Variants in TXLNA observed in about 807,000 individuals in gnomAD.
TXLNA encodes the protein alpha-taxilin.
A neutral mutation model predicts 61.4 loss-of-function variants in TXLNA; 9 were observed. The ratio of observed to expected loss-of-function variants is 0.15; its 90% confidence interval spans 0.09 to 0.26. The LOEUF is 0.26. TXLNA is among the 10% of genes least tolerant of loss of function. The pLI is 1.00. For synonymous variants in TXLNA, 257 were observed against 267.7 expected (o/e 0.96, Z 0.39); for missense variants, 565 against 688.8 (o/e 0.82, Z 2.01).
In TXLNA at chr1:32,188,105, G is replaced by A. The variant is rs1438177992; in HGVS notation, c.749G>A (p.Arg250Gln). Residue 250 changes from arginine (R) to glutamine (Q), a missense_variant, in exon 5 of 11, where the codon CGG (arginine) becomes CAG (glutamine). Transcript: ENST00000373610. ...KLESLCRELQ[R>Q]HNRSLKEEGV... ...GAGAGCCTATGCCGTGAGCTGCAGCGGCACAACCGCTCCCTCAAGGTAGGC... is the reference window on the plus strand; with the variant it reads ...GAGAGCCTATGCCGTGAGCTGCAGCAGCACAACCGCTCCCTCAAGGTAGGC... 14 of 1,566,428 alleles carry A rather than the reference G, an allele frequency of 8.9e-6. No individual in the cohort carries two copies. Among genetic ancestry groups the A allele is most frequent in the East Asian group, 2.3e-5 (1 of 42,596 alleles).
At position 32,194,892 on chromosome 1, in the gene TXLNA, C is replaced by T. The variant is rs199575154; in HGVS notation, c.1348-10C>T. 1.3e-6 allele frequency: 2 copies of T among 1,593,104 alleles called. No individual in the cohort carries two copies. The highest frequency in any genetic ancestry group is 2.7e-5 in the African/African-American group (2 of 74,042). On this transcript the variant is annotated splice_polypyrimidine_tract_variant and intron_variant, in intron 10 of 10. Transcript: ENST00000373610. ...GGGCACGGCACTGAAGGTCTCATTT[C>T]TTTCCCTAGAAAACAGTCCGGGATA...
rs774982247 is a variant in TXLNA, at chr1:32,180,317, C to T, written c.-29C>T. On this transcript the variant is annotated 5_prime_UTR_variant, in exon 2 of 11. Coordinates refer to ENST00000373610, the MANE Select transcript of TXLNA (RefSeq NM_175852.4). ...GCAACTGTGTTTGTTTCTAAAGGATCTTCTCCTGACCCAGCATCGCTCATC... is the reference window on the plus strand; with the variant it reads ...GCAACTGTGTTTGTTTCTAAAGGATTTTCTCCTGACCCAGCATCGCTCATC... The T allele has an allele frequency of 1.3e-6, 2 of 1,574,766 alleles. No homozygotes were observed. Among genetic ancestry groups the T allele is most frequent in the South Asian group, 2.3e-5 (2 of 86,056 alleles).
At chr1:32,194,643 G>A (rs1642974644) in intron 10 of TXLNA, among the ~76,000 whole-genome samples, 1 of 152,164 alleles carries the variant, frequency 6.6e-6, no homozygotes, top group Admixed American at 6.5e-5. Context: ...AGATGAGACA[G>A]GCTCAAAAGT....
chr1:32,186,672 A>C (rs1237250335), intron 4 of TXLNA, among the ~76,000 whole-genome samples: 4 of 152,174 alleles, frequency 2.6e-5, no homozygotes, highest in African/African-American at 9.7e-5. Context: ...CCTATAGGGT[A>C]AGAGACTTTC....
At position 32,195,824 on chromosome 1, in the gene TXLNA, G is replaced by A. The variant is rs1437164266; in HGVS notation, c.*629G>A. On this transcript the variant is annotated 3_prime_UTR_variant, in exon 11 of 11. Transcript: ENST00000373610. ...GCTGGTCAGGAGCCCCTTGGGCATC[G>A]CTTCCCCTGCCCTTTGGTAGTGCCA... 1.8e-5 allele frequency: 8 copies of A among 455,552 alleles called. No individual in the cohort carries two copies. The highest frequency in any genetic ancestry group is 7.1e-5 in the Admixed American group (3 of 42,512). 28.2% of individuals were successfully genotyped at this position (455,552 alleles called of 1,614,324 possible). A position where few individuals can be genotyped will look rare whatever the true frequency, so the allele number is the denominator to read the frequency against.
Position 32,192,185 on chromosome 1 carries a change from A to G in TXLNA, c.964-126A>G, listed in dbSNP as rs1642919381. 2.1e-6 allele frequency: 3 copies of G among 1,411,664 alleles called. No homozygotes were observed. Among genetic ancestry groups the G allele is most frequent in the African/African-American group, 1.4e-5 (1 of 70,050 alleles). The allele number at this position is 1,411,664 out of a possible 1,614,324, so 87.4% of individuals were successfully genotyped here. ...ACTTGGGGCCCATGTTGTGTGGTACACATGGGAGTCCATCATATCAGATTG... is the reference window on the plus strand; with the variant it reads ...ACTTGGGGCCCATGTTGTGTGGTACGCATGGGAGTCCATCATATCAGATTG... On this transcript the variant is annotated intron_variant, in intron 6 of 10. Coordinates refer to ENST00000373610, the MANE Select transcript of TXLNA (RefSeq NM_175852.4). This position sits in a 1 kb window ranked among gnomAD's most constrained non-coding sequence, Gnocchi z 4.2.
Position 32,198,277 on chromosome 1 carries a change from G to GT in TXLNA, c.*3084dup, listed in dbSNP as rs1643067811. ...TTAAACCACATTAAATAAAGAGTCT[G>GT]TTGCCTTACTTGTTTCTCTCCTGAC... is the stretch of plus-strand genomic sequence containing the variant. On this transcript the variant is annotated 3_prime_UTR_variant, in exon 11 of 11. Coordinates refer to ENST00000373610, the MANE Select transcript of TXLNA (RefSeq NM_175852.4). The GT allele has an allele frequency of 6.6e-6, 1 of 152,282 alleles. No individual in the cohort carries two copies. The highest frequency in any genetic ancestry group is 1.9e-4 in the East Asian group (1 of 5,202). 9.4% of individuals were successfully genotyped at this position (152,282 alleles called of 1,614,324 possible). A position where few individuals can be genotyped will look rare whatever the true frequency, so the allele number is the denominator to read the frequency against.
At position 32,196,794 on chromosome 1, in the gene TXLNA, A is replaced by G. The variant is rs1643035406; in HGVS notation, c.*1599A>G. The G allele has an allele frequency of 6.6e-6, 1 of 152,236 alleles. No individual in the cohort carries two copies. The highest frequency in any genetic ancestry group is 1.5e-5 in the Non-Finnish European group (1 of 68,042). 9.4% of individuals were successfully genotyped at this position (152,236 alleles called of 1,614,324 possible). A position where few individuals can be genotyped will look rare whatever the true frequency, so the allele number is the denominator to read the frequency against. On this transcript the variant is annotated 3_prime_UTR_variant, in exon 11 of 11. Coordinates refer to ENST00000373610, the MANE Select transcript of TXLNA (RefSeq NM_175852.4). ...AGCCCACTCTTTTAGCCCTTACCTTAAATCTCTCAGATAAGTTGGTTCACA... is the reference window on the plus strand; with the variant it reads ...AGCCCACTCTTTTAGCCCTTACCTTGAATCTCTCAGATAAGTTGGTTCACA...
Position 32,192,608 on chromosome 1 carries a change from T to C in TXLNA, c.1084-49T>C. ...GGTGCTTGTGGCTAAAAACCAAACA[T>C]AGCCCCTGGGGGCTTCTGACAGGAT... On this transcript the variant is annotated intron_variant, in intron 7 of 10. Coordinates refer to ENST00000373610, the MANE Select transcript of TXLNA (RefSeq NM_175852.4). The surrounding 1 kb of genome is among the most constrained non-coding windows in gnomAD (Gnocchi z 4.2). 1.2e-6 allele frequency: 2 copies of C among 1,608,376 alleles called. No homozygotes were observed. Among genetic ancestry groups the C allele is most frequent in the Non-Finnish European group, 1.7e-6 (2 of 1,174,984 alleles).
Position 32,193,188 on chromosome 1 carries a change from G to C in TXLNA, c.1159-20G>C. On this transcript the variant is annotated intron_variant, in intron 8 of 10. Coordinates refer to ENST00000373610, the MANE Select transcript of TXLNA (RefSeq NM_175852.4). ...CCCAGAGAAACCCAGTCTTATCTGTGGGCTGCTTTCTCCCCACAGCTTGCC... is the reference window on the plus strand; with the variant it reads ...CCCAGAGAAACCCAGTCTTATCTGTCGGCTGCTTTCTCCCCACAGCTTGCC... 1 of 1,587,374 alleles carries C rather than the reference G, an allele frequency of 6.3e-7. No homozygotes were observed. Among genetic ancestry groups the C allele is most frequent in the Non-Finnish European group, 8.7e-7 (1 of 1,155,964 alleles).
chr1:32,194,887 C>A lies in TXLNA; in HGVS notation c.1348-15C>A. 6.3e-7 allele frequency: 1 copy of A among 1,589,976 alleles called. No homozygotes were observed. The highest frequency in any genetic ancestry group is 1.1e-5 in the South Asian group (1 of 86,960). On this transcript the variant is annotated splice_polypyrimidine_tract_variant and intron_variant, in intron 10 of 10. Transcript: ENST00000373610. ...TGATGGGGCACGGCACTGAAGGTCT[C>A]ATTTCTTTCCCTAGAAAACAGTCCG...
At chr1:32,187,262 A>C (rs1364655544) in intron 4 of TXLNA, among the ~76,000 whole-genome samples, 2 of 152,214 alleles carry the variant, frequency 1.3e-5, no homozygotes, top group African/African-American at 4.8e-5. Flanking sequence ...GGTTAAATAC[A>C]TATATTACTA....
intron 4 of TXLNA, among the ~76,000 whole-genome samples, chr1:32,186,262 T>G (rs1203548541): frequency 6.6e-6 from 1 of 152,148 alleles, no homozygotes; most frequent in African/African-American, 2.4e-5. Context: ...AGAAGGGGGC[T>G]TGGCTGTGGT....
intron 6 of TXLNA, among the ~76,000 whole-genome samples, chr1:32,191,668 AT>A (rs1642909724): frequency 1.3e-5 from 2 of 152,104 alleles, no homozygotes; most frequent in Non-Finnish European, 2.9e-5. Context: ...AGGCACCCTC[AT>A]CATACCCAAA....
chr1:32,195,137 C>G lies in TXLNA; in HGVS notation c.1583C>G (p.Pro528Arg). 1 of 1,613,714 alleles carries G rather than the reference C, an allele frequency of 6.2e-7. No individual in the cohort carries two copies. The change falls in exon 11 of 11, where the codon CCG (proline) becomes CGG (arginine). Residue 528 changes from proline to arginine, a missense_variant. By Grantham distance (103) the Pro-to-Arg change is moderately radical. Transcript: ENST00000373610. ...VTEAPCYPGA[P>R]STEASGQTGP... The stretch of plus-strand genomic sequence containing the variant: ...GAAGCGCCTTGCTACCCAGGAGCAC[C>G]GAGCACAGAAGCATCAGGCCAGACT...
chr1:32,185,646 C>T (rs202031857), intron 4 of TXLNA, among the ~76,000 whole-genome samples: 1 of 150,142 alleles, frequency 6.7e-6, no homozygotes, highest in Non-Finnish European at 1.5e-5. Flanking sequence ...GTGATCCGCC[C>T]GCCTCGGCCT....
Position 32,180,309 on chromosome 1 carries a change from T to A in TXLNA, c.-32-5T>A. 1 of 1,562,652 alleles carries A rather than the reference T, an allele frequency of 6.4e-7. No individual in the cohort carries two copies. On this transcript the variant is annotated splice_region_variant and splice_polypyrimidine_tract_variant and intron_variant, in intron 1 of 10. Coordinates refer to ENST00000373610, the MANE Select transcript of TXLNA (RefSeq NM_175852.4). ...GGAAAATAGCAACTGTGTTTGTTTC[T>A]AAAGGATCTTCTCCTGACCCAGCAT... is the stretch of plus-strand genomic sequence containing the variant.
rs766464212 is a variant in TXLNA at position 32,196,882 on chromosome 1, A to C, written c.*1687A>C. On this transcript the variant is annotated 3_prime_UTR_variant, in exon 11 of 11. Transcript: ENST00000373610. ...AGAGATGGCAAATGAATGGCACACC[A>C]TTTCTCCTTCTCCTGCCCCAGGGCA... 1 of 152,172 alleles carries C rather than the reference A, an allele frequency of 6.6e-6. No homozygotes were observed. Among genetic ancestry groups the C allele is most frequent in the Non-Finnish European group, 1.5e-5 (1 of 68,026 alleles). The allele number at this position is 152,172 out of a possible 1,614,324, so 9.4% of individuals were successfully genotyped here.
rs182474459 is a variant in TXLNA at position 32,188,439 on chromosome 1, G to A, written c.768+315G>A. Among the ~76,000 whole-genome samples the A allele has an allele frequency of 1.2e-4, 18 of 152,270 alleles. No homozygotes were observed. The East Asian group carries it at 3.5e-3, about 29-fold the overall frequency. ...GGATCACTTGAGGCCAGGAGTTTGA[G>A]ACCAACCTGGTCAACGCAGTGAAAC... is the stretch of plus-strand genomic sequence containing the variant. On this transcript the variant is annotated intron_variant, in intron 5 of 10. Coordinates refer to ENST00000373610, the MANE Select transcript of TXLNA (RefSeq NM_175852.4).
Sources: allele counts gnomAD v4.1 joint callset (sites outside exome capture counted in the v4.1 genomes callset), GRCh38; gene constraint gnomAD v4.1.1; non-coding constraint Gnocchi (gnomAD v3.1); transcripts MANE v1.5; gene names NCBI Gene and HGNC (gene_info 2026-07-23, HGNC 2026-07-21).